The following IQSEC3 variants were observed in gnomAD, a reference collection of about 807,000 sequenced individuals.
IQSEC3 encodes the protein IQ motif and SEC7 domain-containing protein 3.
In IQSEC3, 50 loss-of-function variants were observed where a neutral mutation model predicts 105.4. The observed-to-expected ratio is 0.47, with a 90% CI of 0.38 to 0.60. The LOEUF (loss-of-function observed/expected upper bound fraction) is 0.60. Among genes scored for constraint, IQSEC3 ranks in the 20% least tolerant of loss-of-function variants. The pLI is 0.00. For synonymous variants in IQSEC3, 708 were observed against 746.0 expected (o/e 0.95, Z 0.83); for missense variants, 1,415 against 1,630.0 (o/e 0.87, Z 2.27).
chr12:148,631 AC>A (rs1217830120), intron 5 of IQSEC3: 1 of 152,126 alleles, frequency 6.6e-6, no homozygotes, highest in Non-Finnish European at 1.5e-5. Flanking sequence ...AAACGCCTTG[AC>A]CTTTGTTGAG....
At chr12:132,440 T>C (rs1865633203) in intron 3 of IQSEC3, among the ~76,000 whole-genome samples, 1 of 152,172 alleles carries the variant, frequency 6.6e-6, no homozygotes, top group Non-Finnish European at 1.5e-5. Context: ...ACACCTGCTG[T>C]CTGAGAGCTT....
intron 8 of IQSEC3, 109 bp downstream of exon 8, chr12:162,174 C>G: frequency 1.6e-6 from 2 of 1,253,646 alleles, no homozygotes; most frequent in South Asian, 1.5e-5. Flanking sequence ...CATATTCATT[C>G]ACATGATAGT....
At chr12:171,400 G>T in intron 13 of IQSEC3, 1 of 1,371,130 alleles carries the variant, frequency 7.3e-7, no homozygotes, top group East Asian at 2.3e-5. Context: ...TGCCCTCCGA[G>T]GCCGAGCTCC....
chr12:170,991 C>A, intron 12 of IQSEC3, 121 bp from the exon 13 acceptor site: 1 of 1,231,944 alleles, frequency 8.1e-7, no homozygotes, highest in Non-Finnish European at 1.2e-6. Flanking sequence ...CCAACCTCCG[C>A]CTCAGTGAGG....
In IQSEC3 at chr12:176,189, C is replaced by T. The variant is rs988952735; in HGVS notation, c.*1156C>T. ...CAGGGGTGCCCAAGAGTCCCTGGAC[C>T]CTCAAAATTGCAAAGGAGACCCAAG... On this transcript the variant is annotated 3_prime_UTR_variant, in exon 14 of 14. Transcript: ENST00000538872. This position sits in a 1 kb window ranked among gnomAD's most constrained non-coding sequence, Gnocchi z 4.0. 6.6e-6 allele frequency: 1 copy of T among 152,192 alleles called. No homozygotes were observed. The highest frequency in any genetic ancestry group is 2.4e-5 in the African/African-American group (1 of 41,434). 9.4% of individuals were successfully genotyped at this position (152,192 alleles called of 1,614,324 possible).
chr12:126,899 G>C (rs888692921), intron 3 of IQSEC3, among the ~76,000 whole-genome samples: 1 of 152,176 alleles, frequency 6.6e-6, no homozygotes, highest in Admixed American at 6.5e-5. Flanking sequence ...TCCTCTCTTG[G>C]CATTGATGCC....
chr12:166,263 C>T (rs1047225159), intron 11 of IQSEC3: 8 of 257,264 alleles, frequency 3.1e-5, no homozygotes, highest in South Asian at 3.1e-4. Flanking sequence ...TCACCTCCCC[C>T]ACTGTGGCCC....
chr12:70,868 G>A (rs1474188822), intron 1 of IQSEC3, among the ~76,000 whole-genome samples: 1 of 152,242 alleles, frequency 6.6e-6, no homozygotes, highest in Non-Finnish European at 1.5e-5. Flanking sequence ...GAAGTCTGAA[G>A]GGCTCCACAG....
At chr12:71,703 C>A (rs1863326271) in intron 1 of IQSEC3, among the ~76,000 whole-genome samples, 1 of 152,290 alleles carries the variant, frequency 6.6e-6, no homozygotes, top group African/African-American at 2.4e-5. Context: ...TGAGGCCAAA[C>A]CCTATCACTA....
chr12:111,186 G>C (rs1334099075), intron 2 of IQSEC3, among the ~76,000 whole-genome samples: 1 of 152,136 alleles, frequency 6.6e-6, no homozygotes, highest in Non-Finnish European at 1.5e-5. Context: ...ATCCAACAAA[G>C]AGCATAACCT....
At position 125,870 on chromosome 12, in the gene IQSEC3, C is replaced by T. The variant is rs568930290; in HGVS notation, c.861C>T (p.Ala287=). 9.9e-5 allele frequency: 152 copies of T among 1,533,720 alleles called. No homozygotes were observed. Among genetic ancestry groups the T allele is most frequent in the Admixed American group, 9.0e-4 (46 of 50,986 alleles). ...LATALCPHAP[A]ASDYELSLDL... Reference sequence around the variant, plus strand: ...CGGCGCTGTGCCCCCACGCCCCTGCCGCCTCCGATTACGAACTCTCCCTTG... The same window carrying T: ...CGGCGCTGTGCCCCCACGCCCCTGCTGCCTCCGATTACGAACTCTCCCTTG... Residue 287 remains alanine, a synonymous_variant, in exon 3 of 14, where the codon GCC becomes GCT. Coordinates refer to ENST00000538872, the MANE Select transcript of IQSEC3 (RefSeq NM_001170738.2).
At chr12:160,076 GA>G (rs1555095702) in intron 7 of IQSEC3, among the ~76,000 whole-genome samples, 1 of 151,082 alleles carries the variant, frequency 6.6e-6, no homozygotes, top group Non-Finnish European at 1.5e-5. Flanking sequence ...TTGCTTTGTA[GA>G]TGCAATATCT....
chr12:92,388 G>A (rs1864115757), intron 1 of IQSEC3, among the ~76,000 whole-genome samples: 1 of 152,170 alleles, frequency 6.6e-6, no homozygotes, highest in African/African-American at 2.4e-5. Flanking sequence ...TTGGGCTGTG[G>A]TTCCCATGAC....
Position 120,156 on chromosome 12 carries a change from G to A in IQSEC3, c.624-5477G>A, listed in dbSNP as rs1325584357. On this transcript the variant is annotated intron_variant, in intron 2 of 13. Coordinates refer to ENST00000538872, the MANE Select transcript of IQSEC3 (RefSeq NM_001170738.2). ...TCAGTGAATAATTAAAGCACAAAGT[G>A]GTCATTGCTGAAATACAGGCAAGTA... Among the ~76,000 whole-genome samples the A allele has an allele frequency of 7.9e-5, 12 of 152,310 alleles. No homozygotes were observed. In the East Asian group the frequency reaches 9.6e-4, roughly 12 times the overall value.
In IQSEC3 at chr12:138,447, G is replaced by C. The variant is rs782138378; in HGVS notation, c.1084G>C (p.Glu362Gln). Residue 362 changes from glutamate (E) to glutamine (Q), a missense_variant, in exon 4 of 14, where the codon GAG becomes CAG. Glu to Gln is a conservative substitution (Grantham distance 29). This residue lies in a region of IQSEC3 where 720 missense variants were observed against 633.0 expected (regional missense o/e 1.14). Coordinates refer to ENST00000538872, the MANE Select transcript of IQSEC3 (RefSeq NM_001170738.2). The surrounding 1 kb of genome is among the most constrained non-coding windows in gnomAD (Gnocchi z 7.1). ...GCGCAAGGTGCGGTCACCCACGGCC[G>C]AGAGCCTGGCGGCCGAGAAAGCGCT... ...SLRKVRSPTA[E>Q]SLAAEKALME... is the part of the protein sequence containing the mutation. 1.5e-5 allele frequency: 24 copies of C among 1,604,384 alleles called. No individual in the cohort carries two copies. Among genetic ancestry groups the C allele is most frequent in the Non-Finnish European group, 2.0e-5 (23 of 1,179,146 alleles).
intron 5 of IQSEC3, chr12:148,399 C>T (rs1866368944): frequency 6.6e-6 from 1 of 152,132 alleles, no homozygotes; most frequent in African/African-American, 2.4e-5. Flanking sequence ...GGGATGCTGC[C>T]GAGCCCAGCA....
At chr12:172,552 C>A (rs1033760157) in intron 13 of IQSEC3, among the ~76,000 whole-genome samples, 4 of 152,340 alleles carry the variant, frequency 2.6e-5, no homozygotes, top group Admixed American at 2.6e-4. Context: ...CCCTGCCAGC[C>A]TCTGCTCTCC....
intron 1 of IQSEC3, among the ~76,000 whole-genome samples, chr12:82,712 T>C (rs1863787112): frequency 6.6e-6 from 1 of 152,192 alleles, no homozygotes; most frequent in Non-Finnish European, 1.5e-5. Flanking sequence ...CGATGTGTCC[T>C]AATAACACCT....
At position 163,535 on chromosome 12, in the gene IQSEC3, G is replaced by A; in HGVS notation, c.2625G>A (p.Arg875=). 6.2e-7 allele frequency: 1 copy of A among 1,611,722 alleles called. No homozygotes were observed. Among genetic ancestry groups the A allele is most frequent in the Non-Finnish European group, 8.5e-7 (1 of 1,179,288 alleles). The change falls in exon 9 of 14, where the codon CGG becomes CGA. Residue 875 remains arginine, a synonymous_variant. Coordinates refer to ENST00000538872, the MANE Select transcript of IQSEC3 (RefSeq NM_001170738.2). Reference sequence around the variant, plus strand: ...ACCGCCGCCTGGTGTGCTGCAGCCGGCTCTTCGAGGTGACGGATGTGAACA... The same window carrying A: ...ACCGCCGCCTGGTGTGCTGCAGCCGACTCTTCGAGGTGACGGATGTGAACA... ...VPHRRLVCCS[R]LFEVTDVNKL...
Sources: allele counts gnomAD v4.1 joint callset (sites outside exome capture counted in the v4.1 genomes callset), GRCh38; gene constraint gnomAD v4.1.1; regional missense constraint gnomAD v4.1.1; non-coding constraint Gnocchi (gnomAD v3.1); transcripts MANE v1.5; gene names NCBI Gene and HGNC (gene_info 2026-07-23, HGNC 2026-07-21).